LRRC28: variants seen among roughly 807,000 people sequenced by gnomAD.
The protein encoded by LRRC28 is leucine rich repeat containing 28.
LRRC28 carries 39 observed loss-of-function variants against 45.7 expected under a neutral mutation model. The ratio of observed to expected loss-of-function variants is 0.85; its 90% CI spans 0.66 to 1.12. LRRC28 has a LOEUF of 1.12. LRRC28 is among the 50% of genes most tolerant of loss of function. The pLI is 0.00. For synonymous variants in LRRC28, 206 were observed against 178.8 expected, an observed-to-expected ratio of 1.15 and a Z score of -1.22; for missense variants, 435 against 438.5, an observed-to-expected ratio of 0.99 and a Z score of 0.07.
chr15:99,359,117 G>C (rs1449707385), intron 7 of LRRC28, among the ~76,000 whole-genome samples: 1 of 151,846 alleles, frequency 6.6e-6, no homozygotes, highest in Admixed American at 6.6e-5. Flanking sequence ...AAACATACTG[G>C]AAGAAACTTT....
intron 6 of LRRC28, among the ~76,000 whole-genome samples, chr15:99,344,160 G>A (rs1463473424): frequency 4.6e-5 from 7 of 152,064 alleles, no homozygotes; most frequent in Non-Finnish European, 2.9e-5. Context: ...AAGATGTATC[G>A]AGTACCAATT....
chr15:99,356,431 G>A (rs893314996), intron 7 of LRRC28, among the ~76,000 whole-genome samples: 3 of 152,202 alleles, frequency 2.0e-5, no homozygotes, highest in Admixed American at 2.0e-4. Flanking sequence ...CTTCATGGCA[G>A]AATGGTTGGA....
intron 5 of LRRC28, among the ~76,000 whole-genome samples, chr15:99,310,718 G>A (rs1277728363): frequency 6.6e-6 from 1 of 152,168 alleles, no homozygotes; most frequent in Non-Finnish European, 1.5e-5. Context: ...AGGAGAGGGA[G>A]AACTGTTATA....
At chr15:99,323,933 A>C (rs1955884609) in intron 5 of LRRC28, among the ~76,000 whole-genome samples, 1 of 152,208 alleles carries the variant, frequency 6.6e-6, no homozygotes, top group South Asian at 2.1e-4. Context: ...ACCTATTTGT[A>C]CGTACCAGAG....
At chr15:99,302,615 C>T (rs1248207211) in intron 5 of LRRC28, among the ~76,000 whole-genome samples, 2 of 152,186 alleles carry the variant, frequency 1.3e-5, no homozygotes, top group Non-Finnish European at 2.9e-5. Flanking sequence ...TTTACATGTA[C>T]AGTTAATTAA....
intron 3 of LRRC28, among the ~76,000 whole-genome samples, chr15:99,282,866 CT>C (rs1567623074): frequency 6.6e-6 from 1 of 152,164 alleles, no homozygotes; most frequent in East Asian, 1.9e-4. Flanking sequence ...TTCATCCTGA[CT>C]GAAAGTAGAA....
rs527697510 is a variant in LRRC28 at position 99,387,189 on chromosome 15, T to A, written c.*1087T>A. On this transcript the variant is annotated 3_prime_UTR_variant, in exon 10 of 10. Transcript: ENST00000301981. ...CATTCTCCTGCCTCAGCCTCCCAAG[T>A]AGCTGGGACCACAGGCGCCCGCCAC... 1 of 143,692 alleles carries A rather than the reference T, an allele frequency of 7.0e-6. No homozygotes were observed. The highest frequency in any genetic ancestry group is 2.6e-5 in the African/African-American group (1 of 38,796). 8.9% of individuals were successfully genotyped at this position (143,692 alleles called of 1,614,324 possible).
At chr15:99,377,942 A>G (rs1168500346) in intron 9 of LRRC28, among the ~76,000 whole-genome samples, 5 of 151,980 alleles carry the variant, frequency 3.3e-5, no homozygotes, top group Admixed American at 6.6e-5. Context: ...TTTGGTTACT[A>G]TATCCTTGTA....
chr15:99,262,675 T>G (rs8033266), intron 2 of LRRC28, among the ~76,000 whole-genome samples: 14,485 of 152,138 alleles, frequency 0.095, 977 homozygotes, highest in East Asian at 0.32. Flanking sequence ...TCAGGGTCTT[T>G]CTGTGTTGCC....
At chr15:99,358,341 A>G (rs1032444481) in intron 7 of LRRC28, among the ~76,000 whole-genome samples, 1 of 152,222 alleles carries the variant, frequency 6.6e-6, no homozygotes, top group African/African-American at 2.4e-5. Context: ...ATGTTTGCAA[A>G]TAAGGAAATT....
intron 6 of LRRC28, among the ~76,000 whole-genome samples, chr15:99,352,136 C>T (rs899031942): frequency 6.6e-5 from 10 of 152,102 alleles, no homozygotes; most frequent in African/African-American, 2.4e-4. Context: ...ACACGTGGAC[C>T]TAGAAGAAGG....
intron 6 of LRRC28, among the ~76,000 whole-genome samples, chr15:99,335,121 A>C (rs1272392420): frequency 2.6e-5 from 4 of 152,182 alleles, no homozygotes; most frequent in African/African-American, 9.6e-5. Context: ...ATTTCTAAGA[A>C]ATCAGAGCTT....
intron 9 of LRRC28, among the ~76,000 whole-genome samples, chr15:99,375,449 C>G (rs1430088930): frequency 1.3e-5 from 2 of 152,080 alleles, no homozygotes; most frequent in Non-Finnish European, 2.9e-5. Context: ...TTATCCTTGT[C>G]TGGTTCTGGA....
chr15:99,341,015 C>G (rs3863401), intron 6 of LRRC28, among the ~76,000 whole-genome samples: 73,880 of 149,546 alleles, frequency 0.49, 19,367 homozygotes, highest in African/African-American at 0.71. Context: ...CTGTCTTTTT[C>G]TAAGTATTTG....
rs143203231 is a variant in LRRC28 at position 99,334,132 on chromosome 15, A to G, written c.592+3A>G. The G allele has an allele frequency of 1.4e-4, 218 of 1,614,078 alleles. No homozygotes were observed. Among genetic ancestry groups the G allele is most frequent in the Middle Eastern group, 5.0e-4 (3 of 6,058 alleles). On this transcript the variant is annotated splice_donor_region_variant and intron_variant, in intron 6 of 9. Transcript: ENST00000301981. ...CCGTCTTGCATTTTTGCCACTTGGT[A>G]AGTGATTGTGTTTAAAGTAAAGCAG...
intron 2 of LRRC28, among the ~76,000 whole-genome samples, chr15:99,266,507 A>T (rs904318783): frequency 6.6e-6 from 1 of 152,148 alleles, no homozygotes; most frequent in South Asian, 2.1e-4. Flanking sequence ...GTTAAGGATA[A>T]TTAATACCCA....
chr15:99,351,026 G>T (rs970597312), intron 6 of LRRC28, among the ~76,000 whole-genome samples: 1 of 152,040 alleles, frequency 6.6e-6, no homozygotes, highest in African/African-American at 2.4e-5. Flanking sequence ...TCTTGAACTC[G>T]TGGGCTCTAG....
intron 9 of LRRC28, among the ~76,000 whole-genome samples, chr15:99,379,778 C>G (rs1957760668): frequency 6.6e-6 from 1 of 152,190 alleles, no homozygotes; most frequent in Admixed American, 6.5e-5. Flanking sequence ...ATCTTTATTT[C>G]TGCCTTCATT....
Position 99,333,984 on chromosome 15 carries a change from A to C in LRRC28, c.447A>C (p.Leu149Phe). 6.2e-7 allele frequency: 1 copy of C among 1,614,104 alleles called. No individual in the cohort carries two copies. The highest frequency in any genetic ancestry group is 8.5e-7 in the Non-Finnish European group (1 of 1,180,000). The change falls in exon 6 of 10, where the codon TTA becomes TTC. Residue 149 changes from leucine to phenylalanine, a missense_variant. Physicochemically the swap from Leu to Phe is conservative, Grantham distance 22 (BLOSUM62 0). Transcript: ENST00000301981. ...LDISTNRLLTLPERLHMCLSL... is the reference protein window; with the variant it reads ...LDISTNRLLTFPERLHMCLSL... ...TTTCTACCAATCGTTTGCTAACTTT[A>C]CCCGAGAGGCTTCACATGTGCCTTT...
Sources: allele counts gnomAD v4.1 joint callset (sites outside exome capture counted in the v4.1 genomes callset), GRCh38; gene constraint gnomAD v4.1.1; transcripts MANE v1.5; gene names NCBI Gene and HGNC (gene_info 2026-07-23, HGNC 2026-07-21).